Variants in SHB observed in about 807,000 individuals in gnomAD.
The protein encoded by SHB is SH2 domain-containing adapter protein B.
Under a neutral mutation model 52.3 loss-of-function variants are expected in SHB, and 20 were observed. The ratio of observed to expected loss-of-function variants is 0.38; its 90% confidence interval spans 0.27 to 0.56. SHB has a LOEUF of 0.56. Ranked by LOEUF, SHB falls within the 20% of genes least tolerant of loss-of-function variation. The pLI, the probability that SHB is intolerant of heterozygous loss-of-function variation, is 0.71. For missense variants in SHB, 825 were observed against 723.3 expected (o/e 1.14, Z -1.61); for synonymous variants, 397 against 316.5 (o/e 1.25, Z -2.70).
chr9:37,956,334 G>A (rs927568211), intron 3 of SHB, among the ~76,000 whole-genome samples: 1 of 152,130 alleles, frequency 6.6e-6, no homozygotes, highest in Non-Finnish European at 1.5e-5. Context: ...GGCCTCTAGC[G>A]GGGGGCATGG....
intron 3 of SHB, among the ~76,000 whole-genome samples, chr9:37,969,610 T>C (rs1008945050): frequency 5.3e-5 from 8 of 152,192 alleles, no homozygotes; most frequent in Non-Finnish European, 8.8e-5. Context: ...AGACACCGAT[T>C]TGGTGTCTTT....
At chr9:38,024,782 T>C (rs1009451868) in intron 1 of SHB, among the ~76,000 whole-genome samples, 4 of 152,146 alleles carry the variant, frequency 2.6e-5, no homozygotes, top group African/African-American at 9.7e-5. Context: ...GGATAGAAAA[T>C]CCAGCACATC....
At chr9:37,944,994 C>T (rs1832476007) in intron 5 of SHB, among the ~76,000 whole-genome samples, 1 of 152,204 alleles carries the variant, frequency 6.6e-6, no homozygotes, top group Admixed American at 6.5e-5. Flanking sequence ...CTGTTCTCAC[C>T]TCTGGACTCT....
Position 38,067,918 on chromosome 9 carries a change from G to C in SHB, c.717+11C>G. 6.7e-7 allele frequency: 1 copy of C among 1,495,996 alleles called. No individual in the cohort carries two copies. Among genetic ancestry groups the C allele is most frequent in the Non-Finnish European group, 8.8e-7 (1 of 1,133,558 alleles). The allele number at this position is 1,495,996 out of a possible 1,614,324, so 92.7% of individuals were successfully genotyped here. On this transcript the variant is annotated intron_variant, in intron 1 of 5. Transcript: ENST00000377707. Reference sequence around the variant, plus strand: ...TCTGGAACCTCGGGAAGAGGCCAAGGGGCACCTTACCTTGTCCTTCTTGCC... The same window carrying C: ...TCTGGAACCTCGGGAAGAGGCCAAGCGGCACCTTACCTTGTCCTTCTTGCC...
At chr9:38,031,808 A>C (rs994272777) in intron 1 of SHB, among the ~76,000 whole-genome samples, 1 of 152,216 alleles carries the variant, frequency 6.6e-6, no homozygotes, top group Non-Finnish European at 1.5e-5. Context: ...ATCACCTGCC[A>C]CTGGAAACAT....
At chr9:38,015,882 C>T in intron 2 of SHB, 129 bp downstream of exon 2, 2 of 862,600 alleles carry the variant, frequency 2.3e-6, no homozygotes, top group South Asian at 1.6e-5. Flanking sequence ...AGCATTGCTC[C>T]CACCTACCAA....
intron 5 of SHB, among the ~76,000 whole-genome samples, chr9:37,932,150 C>T (rs770445099): frequency 8.6e-5 from 13 of 151,392 alleles, no homozygotes; most frequent in Middle Eastern, 3.4e-3. Context: ...GGCATGGTGG[C>T]GGGTGCCTGT....
At chr9:38,060,800 G>A (rs1821882339) in intron 1 of SHB, among the ~76,000 whole-genome samples, 2 of 152,286 alleles carry the variant, frequency 1.3e-5, no homozygotes, top group East Asian at 1.9e-4. Flanking sequence ...ACAGCTTTTA[G>A]CTCACCCACA....
chr9:37,935,045 T>C (rs1451627973), intron 5 of SHB, among the ~76,000 whole-genome samples: 1 of 152,126 alleles, frequency 6.6e-6, no homozygotes, highest in African/African-American at 2.4e-5. Context: ...TTGGTTAGGG[T>C]TGGAACAATT....
At chr9:38,013,107 G>T (rs2118070349) in intron 2 of SHB, among the ~76,000 whole-genome samples, 1 of 152,090 alleles carries the variant, frequency 6.6e-6, no homozygotes, top group East Asian at 1.9e-4. Flanking sequence ...GTTACAAACA[G>T]AAAACACCCC....
chr9:38,007,449 G>A (rs993167605), intron 2 of SHB, among the ~76,000 whole-genome samples: 2 of 152,220 alleles, frequency 1.3e-5, no homozygotes, highest in African/African-American at 4.8e-5. Flanking sequence ...CGGCTGCGGA[G>A]ACAGAACTGG....
chr9:38,061,504 T>C (rs879243198), intron 1 of SHB, among the ~76,000 whole-genome samples: 1 of 152,100 alleles, frequency 6.6e-6, no homozygotes, highest in Admixed American at 6.6e-5. Flanking sequence ...TTCTGGGCTC[T>C]CCCAGCACAA....
chr9:38,066,939 G>A lies in SHB; in HGVS notation c.717+990C>T, dbSNP rs952811412. 6.8e-4 allele frequency among the ~76,000 whole-genome samples: 103 copies of A among 152,208 alleles called. 1 individual carries two copies. The highest frequency in any genetic ancestry group is 2.4e-3 in the African/African-American group (98 of 41,528). The stretch of plus-strand genomic sequence containing the variant: ...CAACAGCCACGCACCAGGGCGCTGA[G>A]AAGGAAGGAGCTCTCCCACCGGGCC... On this transcript the variant is annotated intron_variant, in intron 1 of 5. Transcript: ENST00000377707.
At chr9:37,963,103 G>A (rs151272940) in intron 3 of SHB, among the ~76,000 whole-genome samples, 3 of 152,178 alleles carry the variant, frequency 2.0e-5, no homozygotes, top group Non-Finnish European at 4.4e-5. Context: ...GGTGCAGTGA[G>A]AGAAGAGCTG....
chr9:37,964,042 T>G (rs951291182), intron 3 of SHB, among the ~76,000 whole-genome samples: 1 of 152,218 alleles, frequency 6.6e-6, no homozygotes, highest in Non-Finnish European at 1.5e-5. Context: ...CTCACCCACC[T>G]ACCCCACCTG....
intron 5 of SHB, among the ~76,000 whole-genome samples, chr9:37,937,829 G>A (rs1451178189): frequency 1.3e-5 from 2 of 152,260 alleles, no homozygotes; most frequent in Admixed American, 6.5e-5. Flanking sequence ...TGGGAGCTGG[G>A]ACTTCTGGGG....
At chr9:37,945,607 C>T (rs1464440748) in intron 5 of SHB, among the ~76,000 whole-genome samples, 1 of 152,222 alleles carries the variant, frequency 6.6e-6, no homozygotes, top group Non-Finnish European at 1.5e-5. Context: ...AAAACTAGAC[C>T]TCACCTCCAG....
chr9:37,982,836 T>G (rs1049617232), intron 2 of SHB, among the ~76,000 whole-genome samples: 6 of 152,186 alleles, frequency 3.9e-5, no homozygotes, highest in African/African-American at 1.4e-4. Flanking sequence ...AATGAAATGA[T>G]ACATAACATG....
chr9:38,025,878 A>G (rs113045562), intron 1 of SHB, among the ~76,000 whole-genome samples: 10 of 152,240 alleles, frequency 6.6e-5, no homozygotes, highest in African/African-American at 2.2e-4. Flanking sequence ...ATGACACAGC[A>G]GAACACTCCT....
Sources: allele counts gnomAD v4.1 joint callset (sites outside exome capture counted in the v4.1 genomes callset), GRCh38; gene constraint gnomAD v4.1.1; transcripts MANE v1.5; gene names NCBI Gene and HGNC (gene_info 2026-07-23, HGNC 2026-07-21).